UNC79: variants seen among roughly 807,000 people sequenced by gnomAD.
UNC79 encodes the protein unc-79 subunit of NALCN channel complex.
Under a neutral mutation model 283.1 loss-of-function variants are expected in UNC79, and 37 were observed. The ratio of observed to expected loss-of-function variants is 0.13; its 90% CI spans 0.10 to 0.17. UNC79 has a LOEUF of 0.17. UNC79 is among the 10% of genes least tolerant of loss of function. UNC79 has a pLI of 1.00. For missense variants in UNC79, 2,272 were observed against 3,211.1 expected (o/e 0.71, Z 7.07); for synonymous variants, 1,107 against 1,200.2 (o/e 0.92, Z 1.61).
chr14:93,647,418 A>G (rs1389755135), intron 35 of UNC79, among the ~76,000 whole-genome samples: 1 of 152,228 alleles, frequency 6.6e-6, no homozygotes, highest in Non-Finnish European at 1.5e-5. Flanking sequence ...TGTTTTAGAT[A>G]TAATGGTCAA....
chr14:93,539,529 A>T (rs1411621026), intron 12 of UNC79, among the ~76,000 whole-genome samples: 1 of 151,946 alleles, frequency 6.6e-6, no homozygotes, highest in African/African-American at 2.4e-5. Flanking sequence ...TCAAAAAAAT[A>T]AATTAAAAAA....
intron 1 of UNC79, among the ~76,000 whole-genome samples, chr14:93,337,137 A>C (rs2053595711): frequency 6.6e-6 from 1 of 152,180 alleles, no homozygotes; most frequent in Admixed American, 6.5e-5. Flanking sequence ...TGCTTTTTCC[A>C]GGCCCGCCCA....
intron 1 of UNC79, among the ~76,000 whole-genome samples, chr14:93,415,577 A>T (rs983289022): frequency 3.3e-5 from 5 of 152,036 alleles, no homozygotes; most frequent in African/African-American, 1.2e-4. Context: ...ATTGATTGGA[A>T]TAGTTTCAGA....
In UNC79 at chr14:93,342,672, T is replaced by A. The variant is rs149006655; in HGVS notation, c.-351+9149T>A. Reference sequence around the variant, plus strand: ...CAAACTTTTATGCTCTGCTTCTGTTTTAAGCATAAGTTCCAATTTCAGACC... The same window carrying A: ...CAAACTTTTATGCTCTGCTTCTGTTATAAGCATAAGTTCCAATTTCAGACC... On this transcript the variant is annotated intron_variant, in intron 1 of 49. Coordinates refer to the UNC79 transcript ENST00000256339. Among the ~76,000 whole-genome samples, 112 of 152,362 alleles carry A rather than the reference T, an allele frequency of 7.4e-4. 2 individuals are homozygous for A. The highest frequency in any genetic ancestry group is 2.4e-3 in the African/African-American group (100 of 41,592).
At chr14:93,667,543 G>T (rs548045946) in intron 40 of UNC79, among the ~76,000 whole-genome samples, 1 of 152,240 alleles carries the variant, frequency 6.6e-6, no homozygotes, top group African/African-American at 2.4e-5. Context: ...CCTGGAAAAT[G>T]GAATCAATAG....
chr14:93,465,031 G>A (rs995663352), intron 1 of UNC79, among the ~76,000 whole-genome samples: 1 of 152,120 alleles, frequency 6.6e-6, no homozygotes. Flanking sequence ...AAATTGGCTT[G>A]AACATTTTTT....
intron 15 of UNC79, 97 bp downstream of exon 15, chr14:93,572,181 A>G: frequency 1.5e-6 from 2 of 1,298,126 alleles, no homozygotes; most frequent in South Asian, 3.5e-5. Context: ...AGCGTTTTAT[A>G]TAATCTCATT....
chr14:93,636,278 C>T (rs984469457), intron 31 of UNC79, among the ~76,000 whole-genome samples: 4 of 152,190 alleles, frequency 2.6e-5, no homozygotes, highest in Non-Finnish European at 5.9e-5. Context: ...TATATGCTGT[C>T]TGAATTTCTT....
At chr14:93,466,560 G>A (rs78986421) in intron 1 of UNC79, among the ~76,000 whole-genome samples, 2,050 of 152,268 alleles carry the variant, frequency 0.013, 46 homozygotes, top group African/African-American at 0.047. Flanking sequence ...ATATTTTGTC[G>A]TTCTGTGCTT....
chr14:93,347,457 C>T (rs2053878305), intron 1 of UNC79: 1 of 1,384,246 alleles, frequency 7.2e-7, no homozygotes, highest in Non-Finnish European at 9.3e-7. Context: ...GGCGCCCCGA[C>T]GGGTGGGGAG....
chr14:93,535,963 C>T (rs930445842), intron 11 of UNC79, among the ~76,000 whole-genome samples: 9 of 152,178 alleles, frequency 5.9e-5, no homozygotes, highest in Non-Finnish European at 8.8e-5. Context: ...TATTTACATT[C>T]TTTCCACTTG....
chr14:93,695,890 C>CAAAAAAAAAAAAAAAAAA (rs535235954), intron 47 of UNC79, among the ~76,000 whole-genome samples: 414 of 39,356 alleles, frequency 0.011, 62 homozygotes, highest in Non-Finnish European at 0.014. Context: ...GACTTTGTCT[C>CAAAAAAAAAAAAAAAAAA]AAAAAAAAAA....
At chr14:93,522,817 G>A (rs541974285) in intron 7 of UNC79, among the ~76,000 whole-genome samples, 27 of 151,984 alleles carry the variant, frequency 1.8e-4, no homozygotes, top group Admixed American at 9.2e-4. Context: ...AATGTCAGTC[G>A]TTCTGGTAAC....
chr14:93,672,283 A>C (rs970411195), intron 40 of UNC79, among the ~76,000 whole-genome samples: 2 of 152,242 alleles, frequency 1.3e-5, no homozygotes, highest in East Asian at 3.8e-4. Flanking sequence ...GAGTCAACCT[A>C]AGTGTCCATC....
At chr14:93,567,654 CTCAATTA>C (rs2062972668) in intron 14 of UNC79, among the ~76,000 whole-genome samples, 1 of 152,244 alleles carries the variant, frequency 6.6e-6, no homozygotes, top group African/African-American at 2.4e-5. Flanking sequence ...TTGTTTATTG[CTCAATTA>C]AACTCCTTTG....
intron 6 of UNC79, among the ~76,000 whole-genome samples, 193 bp from the exon 7 acceptor site, chr14:93,496,964 G>A (rs907345120): frequency 4.6e-5 from 7 of 152,178 alleles, no homozygotes; most frequent in Admixed American, 2.6e-4. Flanking sequence ...AGAAGGATCA[G>A]TAAATAAATA....
At chr14:93,492,097 A>G (rs960662693) in intron 5 of UNC79, among the ~76,000 whole-genome samples, 1 of 152,198 alleles carries the variant, frequency 6.6e-6, no homozygotes, top group African/African-American at 2.4e-5. Context: ...CCTTCTATAT[A>G]CAGGGCTTTG....
At chr14:93,579,867 C>T (rs1227438075) in intron 18 of UNC79, among the ~76,000 whole-genome samples, 1 of 152,174 alleles carries the variant, frequency 6.6e-6, no homozygotes, top group African/African-American at 2.4e-5. Context: ...AACCGATTAG[C>T]CAAAAGCAAC....
intron 1 of UNC79, among the ~76,000 whole-genome samples, chr14:93,435,157 CA>C (rs2056036748): frequency 6.6e-6 from 1 of 152,168 alleles, no homozygotes; most frequent in African/African-American, 2.4e-5. Context: ...AATCTTTTCA[CA>C]AGAATATTGC....
Sources: gnomAD v4.1 joint callset for allele counts (sites outside exome capture counted in the v4.1 genomes callset) on GRCh38, gnomAD v4.1.1 for gene constraint, MANE v1.5 for transcripts, NCBI Gene and HGNC (gene_info 2026-07-23, HGNC 2026-07-21) for gene names.